Variants in SRRM4 observed in about 807,000 individuals in gnomAD.
SRRM4 encodes the protein serine/arginine repetitive matrix protein 4.
In SRRM4, 33 loss-of-function variants were observed where a neutral mutation model predicts 68.9. The ratio of observed to expected loss-of-function variants is 0.48; its 90% CI spans 0.36 to 0.64. The LOEUF is 0.64. SRRM4 is among the 30% of genes least tolerant of loss of function. The probability of loss-of-function intolerance (pLI) is 0.00; values close to 1 mark genes in which losing one functional copy is unlikely to be tolerated. For missense variants in SRRM4, 817 were observed against 827.1 expected (o/e 0.99, Z 0.15); for synonymous variants, 318 against 318.8 (o/e 1.00, Z 0.03).
At chr12:119,026,650 G>A (rs1013207589) in intron 1 of SRRM4, among the ~76,000 whole-genome samples, 1 of 152,154 alleles carries the variant, frequency 6.6e-6, no homozygotes, top group Non-Finnish European at 1.5e-5. Flanking sequence ...CCAGGTTCAA[G>A]TGATTCTCGT....
intron 5 of SRRM4, among the ~76,000 whole-genome samples, chr12:119,121,496 C>T (rs1308006339): frequency 6.6e-6 from 1 of 152,148 alleles, no homozygotes; most frequent in Non-Finnish European, 1.5e-5. Context: ...ATCTACCAAG[C>T]GTCATGAGAG....
Position 119,077,251 on chromosome 12 carries a change from C to T in SRRM4, c.132-24985C>T, listed in dbSNP as rs115589244. On this transcript the variant is annotated intron_variant, in intron 1 of 12. Transcript: ENST00000267260. ...GGGAACGTTGTATAAATGAAGATTCCTGTGCCTTGCCTTCAAATCCTGGGG... is the reference window on the plus strand; with the variant it reads ...GGGAACGTTGTATAAATGAAGATTCTTGTGCCTTGCCTTCAAATCCTGGGG... Among the ~76,000 whole-genome samples the T allele has an allele frequency of 4.6e-3, 702 of 152,212 alleles. 5 individuals carry two copies. The highest frequency in any genetic ancestry group is 0.016 in the African/African-American group (673 of 41,518).
chr12:119,025,428 G>GTT (rs74903455), intron 1 of SRRM4, among the ~76,000 whole-genome samples: 135 of 148,448 alleles, frequency 9.1e-4, no homozygotes, highest in South Asian at 1.9e-3. Context: ...CATATATGGA[G>GTT]TTTTTTTTTT....
rs1479771682 is a variant in SRRM4, at chr12:118,981,903, CGAG to C, written c.22_24del (p.Glu8del). ...TGGCGATGGCGAGCGTTCAGCAAGG[CGAG>C]AAGCAGCTTTTTGAGAAGTTCTGGC... On this transcript the variant is annotated inframe_deletion, in exon 1 of 13. Coordinates refer to ENST00000267260, the MANE Select transcript of SRRM4 (RefSeq NM_194286.4). 4.3e-6 allele frequency: 7 copies of C among 1,613,524 alleles called. No individual in the cohort carries two copies. In the South Asian group the frequency reaches 7.7e-5, roughly 18 times the overall value.
chr12:119,137,186 T>C (rs1954334215), intron 8 of SRRM4, among the ~76,000 whole-genome samples: 1 of 151,538 alleles, frequency 6.6e-6, no homozygotes, highest in African/African-American at 2.4e-5. Context: ...ATTTCCAGTC[T>C]CCCATATGGC....
At chr12:119,025,354 G>A (rs149905514) in intron 1 of SRRM4, among the ~76,000 whole-genome samples, 201 of 152,216 alleles carry the variant, frequency 1.3e-3, no homozygotes, top group African/African-American at 4.6e-3. Context: ...GTCAGGCAGA[G>A]TCCAGATCAT....
At chr12:119,027,119 G>T (rs1244437313) in intron 1 of SRRM4, among the ~76,000 whole-genome samples, 1 of 152,134 alleles carries the variant, frequency 6.6e-6, no homozygotes, top group Non-Finnish European at 1.5e-5. Context: ...GAGCAGCTGA[G>T]AGCACAGCTC....
At chr12:119,117,565 GA>G (rs200909861) in intron 4 of SRRM4, among the ~76,000 whole-genome samples, 1,953 of 151,458 alleles carry the variant, frequency 0.013, 12 homozygotes, top group Middle Eastern at 0.024. Flanking sequence ...AGCGCATCAT[GA>G]ACTGGGCCCA....
intron 1 of SRRM4, among the ~76,000 whole-genome samples, chr12:119,010,577 C>T (rs754459167): frequency 1.4e-4 from 22 of 152,196 alleles, no homozygotes; most frequent in Non-Finnish European, 2.5e-4. Flanking sequence ...TCTGGGAATA[C>T]GTACACTCAT....
chr12:118,988,808 G>A (rs1296503362), intron 1 of SRRM4, among the ~76,000 whole-genome samples: 1 of 152,158 alleles, frequency 6.6e-6, no homozygotes, highest in Non-Finnish European at 1.5e-5. Context: ...AATGCATTCT[G>A]TAAAGAACAA....
chr12:119,069,816 C>T (rs1365711728), intron 1 of SRRM4: 1 of 152,202 alleles, frequency 6.6e-6, no homozygotes, highest in Non-Finnish European at 1.5e-5. Flanking sequence ...TGGCTCATGG[C>T]AAGCGTAGAC....
chr12:119,144,121 C>G (rs1954385644), intron 8 of SRRM4, among the ~76,000 whole-genome samples: 1 of 152,148 alleles, frequency 6.6e-6, no homozygotes, highest in South Asian at 2.1e-4. Context: ...CAGCCCTAGA[C>G]AGGGTTCTCG....
intron 1 of SRRM4, among the ~76,000 whole-genome samples, chr12:118,994,383 G>C (rs1261719471): frequency 6.6e-6 from 1 of 152,142 alleles, no homozygotes; most frequent in Non-Finnish European, 1.5e-5. Context: ...GGAAAGCTCA[G>C]GCTGAGGCTT....
rs141373101 is a variant in SRRM4, at chr12:119,024,097, C to T, written c.131+42084C>T. Among the ~76,000 whole-genome samples, 1,459 of 152,222 alleles carry T rather than the reference C, an allele frequency of 9.6e-3. 30 individuals are homozygous for T. Among genetic ancestry groups the T allele is most frequent in the African/African-American group, 0.034 (1,396 of 41,542 alleles). ...ACTTTCCCCATCTATTCATGTATTT[C>T]AAGAGGACTGTTTGACTTTCTCTCT... On this transcript the variant is annotated intron_variant, in intron 1 of 12. Transcript: ENST00000267260.
At chr12:119,145,264 C>T in intron 8 of SRRM4, 117 bp from the exon 9 acceptor site, 3 of 803,114 alleles carry the variant, frequency 3.7e-6, no homozygotes, top group East Asian at 3.1e-5. Flanking sequence ...CTTTCTTCTC[C>T]TCTCTCTCTC....
Position 119,125,403 on chromosome 12 carries a change from T to G in SRRM4, c.538T>G (p.Ser180Ala). Residue 180 changes from serine to alanine, a missense_variant, in exon 7 of 13, where the codon TCT becomes GCT. Ser to Ala is a moderately conservative substitution (Grantham distance 99). Coordinates refer to ENST00000267260, the MANE Select transcript of SRRM4 (RefSeq NM_194286.4). ...AAGATCTCGAAGCCGGCCCCGAAAGTCTCACCGCCACCGCCATCACCGCTG... is the reference window on the plus strand; with the variant it reads ...AAGATCTCGAAGCCGGCCCCGAAAGGCTCACCGCCACCGCCATCACCGCTG... ...KKQSRSRPRK[S>A]HRHRHHRCPS... The G allele has an allele frequency of 1.9e-6, 3 of 1,613,268 alleles. No homozygotes were observed. The highest frequency in any genetic ancestry group is 2.5e-6 in the Non-Finnish European group (3 of 1,179,610).
At chr12:119,027,941 G>A (rs1298472531) in intron 1 of SRRM4, among the ~76,000 whole-genome samples, 1 of 152,220 alleles carries the variant, frequency 6.6e-6, no homozygotes, top group African/African-American at 2.4e-5. Context: ...CAACCCGAGT[G>A]GAGTATGCAC....
intron 1 of SRRM4, among the ~76,000 whole-genome samples, chr12:118,999,176 C>T (rs768154338): frequency 4.6e-5 from 7 of 152,124 alleles, no homozygotes; most frequent in African/African-American, 7.2e-5. Flanking sequence ...CCTAGGATAC[C>T]AGGCTATGCA....
chr12:119,042,864 A>G (rs924439439), intron 1 of SRRM4, among the ~76,000 whole-genome samples: 1 of 152,076 alleles, frequency 6.6e-6, no homozygotes, highest in East Asian at 1.9e-4. Flanking sequence ...AGAGATCAAG[A>G]GAGGTGAGGG....
Sources: allele counts gnomAD v4.1 joint callset (sites outside exome capture counted in the v4.1 genomes callset), GRCh38; gene constraint gnomAD v4.1.1; transcripts MANE v1.5; gene names NCBI Gene and HGNC (gene_info 2026-07-23, HGNC 2026-07-21).